LRRC56: variants seen among roughly 807,000 people sequenced by gnomAD.
LRRC56 encodes leucine-rich repeat-containing protein 56.
In LRRC56, 41 loss-of-function variants were observed where a neutral mutation model predicts 47.8. The observed-to-expected ratio is 0.86, with a 90% CI of 0.67 to 1.11. LRRC56 has a LOEUF of 1.11. Ranked by LOEUF, LRRC56 falls within the 50% of genes most tolerant of loss-of-function variation. The pLI is 0.00. For synonymous variants in LRRC56, 387 were observed against 311.2 expected (o/e 1.24, Z -2.56); for missense variants, 759 against 704.2 (o/e 1.08, Z -0.88).
chr11:517,968 G>C, the LRRC56 span, among the ~76,000 whole-genome samples: 2 of 152,298 alleles, frequency 1.3e-5, no homozygotes, highest in African/African-American at 2.4e-5. Flanking sequence ...CTTGGAGGCA[G>C]CATGCTCGTT....
intron 13 of LRRC56, 113 bp downstream of exon 13, chr11:552,815 C>A: frequency 1.1e-6 from 1 of 944,032 alleles, no homozygotes; most frequent in Non-Finnish European, 1.6e-6. Context: ...CTTCCTCAGC[C>A]ATGCTCTGAG....
the LRRC56 span, among the ~76,000 whole-genome samples, chr11:512,647 C>T: frequency 6.6e-6 from 1 of 152,210 alleles, no homozygotes; most frequent in Non-Finnish European, 1.5e-5. Context: ...TCTTCTAGCC[C>T]TCATACTAAC....
the LRRC56 span, among the ~76,000 whole-genome samples, chr11:518,417 G>C: frequency 6.6e-6 from 1 of 152,126 alleles, no homozygotes; most frequent in African/African-American, 2.4e-5. Flanking sequence ...TCCTGACCTC[G>C]TGATCCACCC....
intron 6 of LRRC56, among the ~76,000 whole-genome samples, chr11:549,679 G>A (rs1852272733): frequency 6.6e-6 from 1 of 152,248 alleles, no homozygotes; most frequent in African/African-American, 2.4e-5. Context: ...TGAGCCACCG[G>A]TCACGAGGGC....
At chr11:532,899 G>A, upstream of LRRC56, 1 of 831,504 alleles carries the variant, frequency 1.2e-6, no homozygotes, top group Non-Finnish European at 2.0e-6. Context: ...ACACACACGG[G>A]AAGCTGGACT....
chr11:536,596 C>T (rs182189566), upstream of LRRC56, among the ~76,000 whole-genome samples: 2 of 152,188 alleles, frequency 1.3e-5, no homozygotes, highest in South Asian at 2.1e-4. Context: ...ATGATGAAAC[C>T]CTGTCTCTAC....
At chr11:534,403 G>GCCCAGGCCCAGC (rs146677294), upstream of LRRC56, 5 of 1,105,316 alleles carry the variant, frequency 4.5e-6, no homozygotes, top group African/African-American at 4.7e-5. Flanking sequence ...GCTCAGCCAG[G>GCCCAGGCCCAGC]CCCAGGCCCA....
the LRRC56 span, among the ~76,000 whole-genome samples, chr11:527,636 A>G: frequency 0.011 from 1,716 of 151,148 alleles, 30 homozygotes; most frequent in African/African-American, 0.039. Context: ...GGTTCACGCC[A>G]TTCTCCTGCC....
chr11:509,675 G>C, the LRRC56 span, among the ~76,000 whole-genome samples: 1 of 151,246 alleles, frequency 6.6e-6, no homozygotes, highest in Non-Finnish European at 1.5e-5. Flanking sequence ...AGCCTCCCGA[G>C]TAGCTGGGAC....
chr11:544,951 T>C (rs2134038837), intron 6 of LRRC56, among the ~76,000 whole-genome samples, 171 bp downstream of exon 6: 1 of 151,050 alleles, frequency 6.6e-6, no homozygotes, highest in South Asian at 2.1e-4. Context: ...CACGTGACCC[T>C]GTGGAGGGTG....
chr11:548,462 T>TGTTTGTTTGTTG (rs1332675539), intron 6 of LRRC56, among the ~76,000 whole-genome samples: 3 of 151,584 alleles, frequency 2.0e-5, no homozygotes, highest in Non-Finnish European at 2.9e-5. Context: ...TTTGTTTGTT[T>TGTTTGTTTGTTG]GTTTGTTTGT....
chr11:544,654 G>C (rs773951208), intron 5 of LRRC56, 66 bp from the exon 6 acceptor site: 273 of 1,541,098 alleles, frequency 1.8e-4, no homozygotes, highest in Non-Finnish European at 2.3e-4. Context: ...GCCTAGGGGT[G>C]AAGGAGGGTG....
Position 540,830 on chromosome 11 carries a change from T to C in LRRC56, c.146T>C (p.Leu49Pro). The stretch of plus-strand genomic sequence containing the variant: ...CAGAGGGACAGACTTGGAGAGCAGC[T>C]GGTGGAAGAGTACCTGTCCCCTGCC... ...GSQRDRLGEQ[L>P]VEEYLSPARL... The change falls in exon 4 of 14, where the codon CTG becomes CCG. Residue 49 changes from leucine (L) to proline (P), a missense_variant. Physicochemically the swap from Leu to Pro is moderately conservative, Grantham distance 98. Coordinates refer to ENST00000270115, the MANE Select transcript of LRRC56 (RefSeq NM_198075.4). 6.3e-7 allele frequency: 1 copy of C among 1,586,186 alleles called. No homozygotes were observed. The highest frequency in any genetic ancestry group is 1.8e-5 in the Admixed American group (1 of 55,256).
chr11:548,603 A>G (rs12574052), intron 6 of LRRC56, among the ~76,000 whole-genome samples: 91,356 of 151,274 alleles, frequency 0.6, 28,419 homozygotes, highest in East Asian at 0.82. Flanking sequence ...GACTACAGGC[A>G]CCCGCCACCA....
At chr11:540,130 G>C (rs888379631) in intron 3 of LRRC56, among the ~76,000 whole-genome samples, 1 of 152,202 alleles carries the variant, frequency 6.6e-6, no homozygotes, top group African/African-American at 2.4e-5. Flanking sequence ...CTCCTTGCCT[G>C]GATGTTTGAC....
intron 6 of LRRC56, among the ~76,000 whole-genome samples, chr11:549,029 A>G (rs1852229725): frequency 1.3e-5 from 2 of 152,218 alleles, no homozygotes; most frequent in South Asian, 4.1e-4. Flanking sequence ...CAGGCTGAGG[A>G]CAGACACTGA....
rs777835126 is a variant in LRRC56, at chr11:552,232, G to T, written c.1181G>T (p.Arg394Leu). 1 of 1,608,140 alleles carries T rather than the reference G, an allele frequency of 6.2e-7. No individual in the cohort carries two copies. Among genetic ancestry groups the T allele is most frequent in the South Asian group, 1.1e-5 (1 of 90,820 alleles). The stretch of plus-strand genomic sequence containing the variant: ...AGGGCCTGGAGGGAACATGGCGTGC[G>T]GTGGGTGTCCCTCCAGCTCTTCCAC... ...GLRAWREHGV[R>L]PLPYRHPESQ... is the part of the protein sequence containing the mutation. Residue 394 changes from arginine (R) to leucine (L), a missense_variant and splice_region_variant, in exon 12 of 14, where the codon CGC (arginine) becomes CTC (leucine). Transcript: ENST00000270115.
upstream of LRRC56, chr11:533,180 C>A: frequency 3.5e-6 from 4 of 1,148,398 alleles, no homozygotes; most frequent in East Asian, 2.6e-5. Flanking sequence ...CAAGGACCTC[C>A]GCCTTCCCCG....
the LRRC56 span, among the ~76,000 whole-genome samples, chr11:515,545 A>G: frequency 6.6e-6 from 1 of 152,190 alleles, no homozygotes; most frequent in Non-Finnish European, 1.5e-5. Flanking sequence ...TTTGGCTTAT[A>G]ATAAGTTCTG....
Sources: gnomAD v4.1 joint callset for allele counts (sites outside exome capture counted in the v4.1 genomes callset) on GRCh38, gnomAD v4.1.1 for gene constraint, MANE v1.5 for transcripts, NCBI Gene and HGNC (gene_info 2026-07-23, HGNC 2026-07-21) for gene names.